Variants in DNAI4 observed in about 807,000 individuals in gnomAD.
DNAI4 encodes the protein dynein axonemal intermediate chain 4, also known as WD repeat domain 78.
In DNAI4, 85 loss-of-function variants were observed where a neutral mutation model predicts 105.8. That is an observed-to-expected ratio of 0.80 (90% CI 0.67 to 0.96). The LOEUF is 0.96. Ranked by LOEUF, DNAI4 falls within the 40% of genes least tolerant of loss-of-function variation. The pLI is 0.00. For missense variants in DNAI4, 1,014 were observed against 1,005.6 expected, an observed-to-expected ratio of 1.01 and a Z score of -0.11; for synonymous variants, 352 against 331.5, an observed-to-expected ratio of 1.06 and a Z score of -0.67.
chr1:66,822,302 A>C (rs373976953), intron 16 of DNAI4, 59 bp downstream of exon 16: 147 of 1,413,992 alleles, frequency 1.0e-4, no homozygotes, highest in Middle Eastern at 9.2e-4. Context: ...TGCATGCTAC[A>C]AAAGTATAAC....
chr1:66,872,659 T>G (rs987620305), intron 5 of DNAI4, among the ~76,000 whole-genome samples: 1 of 152,096 alleles, frequency 6.6e-6, no homozygotes, highest in Non-Finnish European at 1.5e-5. Flanking sequence ...TTAAAAAATA[T>G]TTTTTCTATT....
chr1:66,820,805 A>AC (rs1645608747), intron 16 of DNAI4, among the ~76,000 whole-genome samples: 1 of 151,838 alleles, frequency 6.6e-6, no homozygotes, highest in Admixed American at 6.6e-5. Context: ...TAAGCATTTT[A>AC]TTATTTTATT....
intron 13 of DNAI4, 127 bp from the exon 14 acceptor site, chr1:66,828,037 T>C: frequency 1.9e-6 from 1 of 519,562 alleles, no homozygotes; most frequent in Non-Finnish European, 3.4e-6. Context: ...CTATCTTGAA[T>C]ATACCAATCT....
chr1:66,840,095 T>G (rs779896239), intron 9 of DNAI4, among the ~76,000 whole-genome samples: 5 of 152,212 alleles, frequency 3.3e-5, no homozygotes, highest in Non-Finnish European at 7.4e-5. Context: ...ATATGACTAC[T>G]TTGAAGCTAA....
Position 66,862,120 on chromosome 1 carries a change from A to C in DNAI4, c.1096+27T>G, listed in dbSNP as rs536810759. On this transcript the variant is annotated intron_variant, in intron 7 of 16. Transcript: ENST00000371026. ...AAAAATGCCATGTTAAAGTCATTCA[A>C]AAAAACTAAAATAAATGAAATCTTA... 3.8e-4 allele frequency: 598 copies of C among 1,554,806 alleles called. 7 individuals are homozygous for C. The South Asian group carries it at 7.0e-3, about 18-fold the overall frequency.
chr1:66,827,524 T>C (rs1645781329), intron 14 of DNAI4, among the ~76,000 whole-genome samples: 1 of 151,860 alleles, frequency 6.6e-6, no homozygotes, highest in South Asian at 2.1e-4. Context: ...CTATAGAGAC[T>C]AGGTATGGGT....
rs1348066364 is a variant in DNAI4, at chr1:66,833,589, G to A, written c.2009C>T (p.Pro670Leu). The A allele has an allele frequency of 6.2e-7, 1 of 1,612,192 alleles. No homozygotes were observed. Among genetic ancestry groups the A allele is most frequent in the Admixed American group, 1.7e-5 (1 of 59,636 alleles). Residue 670 changes from proline (P) to leucine (L), a missense_variant, in exon 13 of 17, where the codon CCC (proline) becomes CTC (leucine). Pro to Leu is a moderately conservative substitution (Grantham distance 98). Coordinates refer to ENST00000371026, the MANE Select transcript of DNAI4 (RefSeq NM_024763.5). Reference protein sequence around the residue: ...QAPGMCFAFHPKDTNIYLAGT... With the variant: ...QAPGMCFAFHLKDTNIYLAGT... The stretch of plus-strand genomic sequence containing the variant: ...AATAAGAGTGAAATAATTTACCTTG[G>A]GATGAAAAGCAAAACACATTCCAGG...
intron 16 of DNAI4, among the ~76,000 whole-genome samples, chr1:66,815,668 A>G (rs532119714): frequency 5.4e-4 from 82 of 152,266 alleles, no homozygotes; most frequent in African/African-American, 1.9e-3. Flanking sequence ...CTCTCCATTG[A>G]AACTGACTTC....
intron 8 of DNAI4, among the ~76,000 whole-genome samples, chr1:66,841,440 C>T (rs766880683): frequency 4.6e-5 from 7 of 152,162 alleles, no homozygotes; most frequent in South Asian, 2.1e-4. Flanking sequence ...GAATGTCTTA[C>T]GGAACAACAG....
At chr1:66,861,862 G>C (rs1436015956) in intron 7 of DNAI4, among the ~76,000 whole-genome samples, 1 of 152,152 alleles carries the variant, frequency 6.6e-6, no homozygotes, top group Non-Finnish European at 1.5e-5. Flanking sequence ...GAACAAAAGG[G>C]AGATAGAAAA....
intron 15 of DNAI4, 23 bp downstream of exon 15, chr1:66,826,797 A>G (rs771899709): frequency 3.8e-6 from 6 of 1,572,656 alleles, no homozygotes; most frequent in South Asian, 1.1e-5. Flanking sequence ...ACTAAAATTT[A>G]TGCAAGAAAA....
chr1:66,838,216 C>CCTA lies in DNAI4; in HGVS notation c.1495-423_1495-421dup, dbSNP rs564776561. 2.2e-3 allele frequency among the ~76,000 whole-genome samples: 329 copies of CCTA among 152,224 alleles called. 6 individuals are homozygous for CCTA. The highest frequency in any genetic ancestry group is 7.3e-3 in the African/African-American group (304 of 41,528). ...CCCCTTAAAATTTATATGTTGAAGG[C>CCTA]CTAACCTCCAATATGATTGTATGTG... On this transcript the variant is annotated intron_variant, in intron 9 of 16. Coordinates refer to ENST00000371026, the MANE Select transcript of DNAI4 (RefSeq NM_024763.5).
chr1:66,879,597 G>T (rs761947523), intron 4 of DNAI4, among the ~76,000 whole-genome samples: 11 of 152,144 alleles, frequency 7.2e-5, no homozygotes, highest in Non-Finnish European at 1.6e-4. Context: ...AGTTTTATGC[G>T]AAATTGTCAA....
chr1:66,916,861 T>A (rs1650108054), intron 1 of DNAI4, among the ~76,000 whole-genome samples: 1 of 151,350 alleles, frequency 6.6e-6, no homozygotes, highest in South Asian at 2.1e-4. Flanking sequence ...AAATTATGTC[T>A]CCTTTCTCAA....
At chr1:66,900,100 G>C (rs1648682280) in intron 2 of DNAI4, among the ~76,000 whole-genome samples, 1 of 151,744 alleles carries the variant, frequency 6.6e-6, no homozygotes, top group Non-Finnish European at 1.5e-5. Context: ...ACAGAGTTTT[G>C]CTCTTGTTGC....
At chr1:66,833,044 T>C (rs1645901069) in intron 13 of DNAI4, among the ~76,000 whole-genome samples, 1 of 151,970 alleles carries the variant, frequency 6.6e-6, no homozygotes, top group Non-Finnish European at 1.5e-5. Flanking sequence ...GGCACTTGAG[T>C]TAAGCACAAA....
chr1:66,879,372 T>C (rs571575392), intron 4 of DNAI4, among the ~76,000 whole-genome samples: 4 of 152,370 alleles, frequency 2.6e-5, no homozygotes, highest in African/African-American at 9.6e-5. Flanking sequence ...AGCTCATTTT[T>C]TTATTGCTGA....
intron 5 of DNAI4, 139 bp from the exon 6 acceptor site, chr1:66,871,648 C>T: frequency 1.2e-6 from 1 of 843,760 alleles, no homozygotes; most frequent in Non-Finnish European, 1.8e-6. Flanking sequence ...TCAAAAAAAG[C>T]CTTAGGAAAA....
chr1:66,877,179 A>G (rs1405940550), intron 4 of DNAI4, among the ~76,000 whole-genome samples: 1 of 152,178 alleles, frequency 6.6e-6, no homozygotes. Flanking sequence ...AATGGGCCCA[A>G]TACAATTACA....
Sources: allele counts gnomAD v4.1 joint callset (sites outside exome capture counted in the v4.1 genomes callset), GRCh38; gene constraint gnomAD v4.1.1; transcripts MANE v1.5; gene names NCBI Gene and HGNC (gene_info 2026-07-23, HGNC 2026-07-21).